Variants in OBSL1 observed in about 807,000 individuals in gnomAD.
OBSL1 encodes obscurin-like protein 1.
A neutral mutation model predicts 172.0 loss-of-function variants in OBSL1; 160 were observed. That is an observed-to-expected ratio of 0.93 (90% CI 0.82 to 1.06). The LOEUF (loss-of-function observed/expected upper bound fraction) is 1.06. OBSL1 is among the 50% of genes least tolerant of loss of function. The probability of loss-of-function intolerance (pLI) is 0.00; values close to 1 mark genes in which losing one functional copy is unlikely to be tolerated. For missense variants in OBSL1, 2,681 were observed against 2,715.4 expected (o/e 0.99, Z 0.28); for synonymous variants, 1,200 against 1,196.3 (o/e 1.00, Z -0.06).
intron 10 of OBSL1, 24 bp downstream of exon 10, chr2:219,558,160 C>T (rs530353213): frequency 1.9e-6 from 3 of 1,609,030 alleles, no homozygotes; most frequent in Non-Finnish European, 2.6e-6. Flanking sequence ...GCCTCCCTGC[C>T]CTGGGTTGGC....
At chr2:219,559,604 A>C in intron 8 of OBSL1, 107 bp from the exon 9 acceptor site, 3 of 1,003,734 alleles carry the variant, frequency 3.0e-6, no homozygotes, top group Non-Finnish European at 3.0e-6. Flanking sequence ...GAGAATAATA[A>C]GTAAAATAAT....
In OBSL1 at chr2:219,566,855, CT is replaced by C. The variant is rs779485943; in HGVS notation, c.2108del (p.Gln703ArgfsTer16). 1.3e-6 allele frequency: 2 copies of C among 1,595,126 alleles called. No homozygotes were observed. The highest frequency in any genetic ancestry group is 3.4e-5 in the Admixed American group (2 of 59,530). Reference protein sequence around the residue: ...ALVGFSCPGVQDSAALTIQES... With the variant: ...ALVGFSCPGVXDSAALTIQES... ...CTTGGATTGTGAGGGCAGCTGAGTC[CT>C]GCACGCCGGGGCAGCTGAAGCCGAC... On this transcript the variant is annotated frameshift_variant, in exon 5 of 21. Transcript: ENST00000404537. LOFTEE classifies it high-confidence loss of function.
intron 8 of OBSL1, chr2:219,561,728 T>G: frequency 1.6e-6 from 1 of 634,770 alleles, no homozygotes; most frequent in Admixed American, 2.4e-5. Flanking sequence ...ACTGTACATT[T>G]ATTTGCATGT....
rs775792156 is a variant in OBSL1 at position 219,556,285 on chromosome 2, C to T, written c.4344G>A (p.Glu1448=). The change falls in exon 14 of 21, where the codon GAG becomes GAA. Residue 1448 remains glutamate (E), a synonymous_variant. Transcript: ENST00000404537. The part of the protein sequence containing the change: ...TSARLHVRET[E]LLFLRRLQDV... ...CCTGCAACCGCCGTAGGAACAGCAG[C>T]TCTGTCTCTGGTGGGGAAGAAGGAG... The T allele has an allele frequency of 2.5e-6, 4 of 1,581,362 alleles. No homozygotes were observed. The African/African-American group carries it at 5.4e-5, about 21-fold the overall frequency.
At chr2:219,567,997 C>A in intron 2 of OBSL1, 28 bp from the exon 3 acceptor site, 1 of 1,610,010 alleles carries the variant, frequency 6.2e-7, no homozygotes, top group Non-Finnish European at 8.5e-7. Flanking sequence ...ATCCATCAAC[C>A]TGGAATCTGA....
At chr2:219,550,265 G>T (rs1038591950), downstream of OBSL1, 5 of 193,168 alleles carry the variant, frequency 2.6e-5, no homozygotes, top group African/African-American at 9.3e-5. Flanking sequence ...GCATGTCTCC[G>T]CGGAGGGGCT....
Position 219,552,977 on chromosome 2 carries a change from G to A in OBSL1, c.5037C>T (p.Leu1679=). 6.5e-7 allele frequency: 1 copy of A among 1,530,668 alleles called. No homozygotes were observed. Among genetic ancestry groups the A allele is most frequent in the Non-Finnish European group, 8.7e-7 (1 of 1,143,062 alleles). The allele number at this position is 1,530,668 out of a possible 1,614,324, so 94.8% of individuals were successfully genotyped here. Residue 1679 remains leucine, a synonymous_variant, in exon 17 of 21, where the codon CTC becomes CTT. Coordinates refer to ENST00000404537, the MANE Select transcript of OBSL1 (RefSeq NM_015311.3). The part of the protein sequence containing the change: ...TPSPRLRLQA[L]GTRRLLQLRR... Reference sequence around the variant, plus strand: ...GCAGCTGGAGAAGGCGGCGCGTGCCGAGGGCCTGGAGCCGGAGCCGCGGGC... The same window carrying A: ...GCAGCTGGAGAAGGCGGCGCGTGCCAAGGGCCTGGAGCCGGAGCCGCGGGC...
chr2:219,547,754 C>T (rs1229675385), downstream of OBSL1: 3 of 1,594,824 alleles, frequency 1.9e-6, no homozygotes, highest in Admixed American at 3.3e-5. Flanking sequence ...GGGCTCCGCA[C>T]CCTACTACCA....
At chr2:219,569,052 T>G (rs1697142959) in intron 1 of OBSL1, 1 of 145,132 alleles carries the variant, frequency 6.9e-6, no homozygotes, top group Admixed American at 7.1e-5. Flanking sequence ...CTAGCTATTT[T>G]AACCCTTTTC....
downstream of OBSL1, among the ~76,000 whole-genome samples, chr2:219,548,864 A>AAAGATGATG (rs1695455181): frequency 6.6e-6 from 1 of 152,112 alleles, no homozygotes; most frequent in African/African-American, 2.4e-5. Context: ...TGTCCAGTGG[A>AAAGATGATG]AAGATGATGA....
chr2:219,554,371 G>A, intron 15 of OBSL1, 103 bp downstream of exon 15: 2 of 1,359,400 alleles, frequency 1.5e-6, no homozygotes, highest in Admixed American at 1.7e-5. Flanking sequence ...CACTGAGACA[G>A]GCATGGTCAG....
At chr2:219,564,253 G>C (rs960580229) in intron 6 of OBSL1, among the ~76,000 whole-genome samples, 1 of 152,234 alleles carries the variant, frequency 6.6e-6, no homozygotes, top group Admixed American at 6.5e-5. Context: ...TTTATAACCA[G>C]CTTCCAGGAG....
At chr2:219,548,772 G>A (rs1005725230), downstream of OBSL1, among the ~76,000 whole-genome samples, 1 of 152,164 alleles carries the variant, frequency 6.6e-6, no homozygotes, top group Non-Finnish European at 1.5e-5. Flanking sequence ...TTTAGCTTTT[G>A]GGATGCTCAT....
rs139123368 is a variant in OBSL1 at position 219,568,896 on chromosome 2, G to A, written c.1013-572C>T. Among the ~76,000 whole-genome samples, 16 of 151,876 alleles carry A rather than the reference G, an allele frequency of 1.1e-4. 1 individual carries two copies. In the East Asian group the frequency reaches 2.3e-3, roughly 22 times the overall value. On this transcript the variant is annotated intron_variant, in intron 1 of 20. Transcript: ENST00000404537. The surrounding 1 kb of genome is among the most constrained non-coding windows in gnomAD (Gnocchi z 4.1). Reference sequence around the variant, plus strand: ...AGTAGAGCTGGGATTACAGGCAGGCGCCACCACGCCTGGCTAATGATTTTG... The same window carrying A: ...AGTAGAGCTGGGATTACAGGCAGGCACCACCACGCCTGGCTAATGATTTTG...
chr2:219,563,240 A>AG, intron 7 of OBSL1, 115 bp downstream of exon 7: 3 of 1,096,510 alleles, frequency 2.7e-6, no homozygotes, highest in Non-Finnish European at 3.9e-6. Flanking sequence ...CCGATCTGCC[A>AG]GGGGGAGGGC....
rs1302748645 is a variant in OBSL1, at chr2:219,552,887, C to A, written c.5127G>T (p.Pro1709=). Residue 1709 remains proline (P), a synonymous_variant, in exon 17 of 21, where the codon CCG becomes CCT. Coordinates refer to ENST00000404537, the MANE Select transcript of OBSL1 (RefSeq NM_015311.3). ...SCAVGTARAG[P]VRLTVRERTV... ...ACCCACCGCGCACGGTCAGGCGGAC[C>A]GGTCCGGCGCGGGCCGTCCCCACCG... 1.9e-6 allele frequency: 3 copies of A among 1,541,204 alleles called. No individual in the cohort carries two copies. Among genetic ancestry groups the A allele is most frequent in the Non-Finnish European group, 2.6e-6 (3 of 1,145,240 alleles).
In OBSL1 at chr2:219,551,698, G is replaced by A; in HGVS notation, c.5514C>T (p.His1838=). 1.2e-6 allele frequency: 2 copies of A among 1,610,928 alleles called. No homozygotes were observed. The highest frequency in any genetic ancestry group is 1.7e-6 in the Non-Finnish European group (2 of 1,179,216). The change falls in exon 20 of 21, where the codon CAC becomes CAT. Residue 1838 remains histidine, a synonymous_variant. Coordinates refer to ENST00000404537, the MANE Select transcript of OBSL1 (RefSeq NM_015311.3). ...CGGCCCCCTCCCGCAGCCAGCACAC[G>A]TGGCCCCCCGAGCGGGACACAGTCA... ...LEVTVSRSGG[H]VCWLREGAEL...
Position 219,566,894 on chromosome 2 carries a change from G to C in OBSL1, c.2070C>G (p.Asp690Glu), listed in dbSNP as rs750214422. ...AGCTGAAGCCGACCAGGGCACCGCT[G>C]TCCTGGTGCTTGACGGCATGCAGGA... is the stretch of plus-strand genomic sequence containing the variant. Reference protein sequence around the residue: ...RLILHAVKHQDSGALVGFSCP... With the variant: ...RLILHAVKHQESGALVGFSCP... The change falls in exon 5 of 21, where the codon GAC becomes GAG. Residue 690 changes from aspartate (D) to glutamate (E), a missense_variant. Around this residue, in one of 5 missense-constraint regions of OBSL1, gnomAD observed 1,765 missense variants for 1,748.3 expected, o/e 1.01. Coordinates refer to ENST00000404537, the MANE Select transcript of OBSL1 (RefSeq NM_015311.3). The C allele has an allele frequency of 6.2e-7, 1 of 1,608,562 alleles. No individual in the cohort carries two copies. Among genetic ancestry groups the C allele is most frequent in the South Asian group, 1.1e-5 (1 of 91,016 alleles).
rs768202370 is a variant in OBSL1, at chr2:219,566,959, G to T, written c.2005C>A (p.Arg669=). Residue 669 remains arginine, a synonymous_variant, in exon 5 of 21, where the codon CGG becomes AGG. Coordinates refer to ENST00000404537, the MANE Select transcript of OBSL1 (RefSeq NM_015311.3). ...AGACCCTTCTGCTCTATACGGTACC[G>T]CAGGGCCCCAGGTTCCACCTGGCCC... ...PEGQVEPGAL[R]YRIEQKGLQH... 6.2e-7 allele frequency: 1 copy of T among 1,613,742 alleles called. No homozygotes were observed.
Sources: allele counts gnomAD v4.1 joint callset (sites outside exome capture counted in the v4.1 genomes callset), GRCh38; gene constraint gnomAD v4.1.1; regional missense constraint gnomAD v4.1.1; non-coding constraint Gnocchi (gnomAD v3.1); transcripts MANE v1.5; gene names NCBI Gene and HGNC (gene_info 2026-07-23, HGNC 2026-07-21).